Variants in LGSN observed in about 807,000 individuals in gnomAD.
The protein encoded by LGSN is lengsin, lens protein with glutamine synthetase domain.
A neutral mutation model predicts 19.5 loss-of-function variants in LGSN; 21 were observed. The ratio of observed to expected loss-of-function variants is 1.07; its 90% CI spans 0.76 to 1.55. The LOEUF (loss-of-function observed/expected upper bound fraction) is 1.55. Ranked by LOEUF, LGSN falls within the 40% of genes most tolerant of loss-of-function variation. LGSN has a pLI of 0.00. For synonymous variants in LGSN, 257 were observed against 215.6 expected, an observed-to-expected ratio of 1.19 and a Z score of -1.68; for missense variants, 673 against 608.5, an observed-to-expected ratio of 1.11 and a Z score of -1.12.
the LGSN span, among the ~76,000 whole-genome samples, chr6:63,328,022 G>A: frequency 6.6e-6 from 1 of 152,164 alleles, no homozygotes; most frequent in African/African-American, 2.4e-5. Flanking sequence ...CGCAGCATGG[G>A]CATGTAGGAT....
At chr6:63,468,098 A>T in the LGSN span, among the ~76,000 whole-genome samples, 1 of 152,152 alleles carries the variant, frequency 6.6e-6, no homozygotes, top group Non-Finnish European at 1.5e-5. Context: ...AGTCTGTAAC[A>T]ATCAGTGATA....
the LGSN span, among the ~76,000 whole-genome samples, chr6:63,371,015 GACAA>G: frequency 7.9e-5 from 12 of 152,116 alleles, no homozygotes; most frequent in African/African-American, 1.2e-4. Flanking sequence ...AGAAACATAA[GACAA>G]ACAGATTGGT....
At chr6:63,419,546 C>G in the LGSN span, among the ~76,000 whole-genome samples, 1 of 152,028 alleles carries the variant, frequency 6.6e-6, no homozygotes, top group Non-Finnish European at 1.5e-5. Flanking sequence ...TTGAGGCCTC[C>G]TTACCAGGGA....
chr6:63,506,691 A>G, the LGSN span, among the ~76,000 whole-genome samples: 1 of 152,256 alleles, frequency 6.6e-6, no homozygotes, highest in African/African-American at 2.4e-5. Flanking sequence ...GAACGGGCAT[A>G]CATGAAAGTT....
At chr6:63,371,534 T>C in the LGSN span, among the ~76,000 whole-genome samples, 2 of 152,356 alleles carry the variant, frequency 1.3e-5, no homozygotes, top group East Asian at 3.9e-4. Context: ...GTTAGAGCCA[T>C]CTGGTGTTGA....
At chr6:63,528,860 C>T in the LGSN span, among the ~76,000 whole-genome samples, 15 of 151,628 alleles carry the variant, frequency 9.9e-5, no homozygotes, top group Admixed American at 3.3e-4. Flanking sequence ...AGGCCGAGGC[C>T]GGTGGATTAC....
At chr6:63,331,424 G>A in the LGSN span, among the ~76,000 whole-genome samples, 1 of 152,150 alleles carries the variant, frequency 6.6e-6, no homozygotes, top group Non-Finnish European at 1.5e-5. Flanking sequence ...AAAAAAATGA[G>A]CCACCTCTTT....
the LGSN span, among the ~76,000 whole-genome samples, chr6:63,412,291 C>T: frequency 2.0e-5 from 3 of 151,426 alleles, no homozygotes; most frequent in South Asian, 4.2e-4. Context: ...CACTTGAACC[C>T]AGGAGGCGGA....
At chr6:63,561,508 C>CA in the LGSN span, among the ~76,000 whole-genome samples, 1 of 152,130 alleles carries the variant, frequency 6.6e-6, no homozygotes, top group South Asian at 2.1e-4. Context: ...TCTGTGTACC[C>CA]AGTCATCATC....
At chr6:63,435,216 A>C in the LGSN span, among the ~76,000 whole-genome samples, 3 of 152,186 alleles carry the variant, frequency 2.0e-5, no homozygotes, top group African/African-American at 7.2e-5. Flanking sequence ...AAGATTAGAC[A>C]ACAAAATGAG....
the LGSN span, among the ~76,000 whole-genome samples, chr6:63,443,258 G>T: frequency 3.9e-5 from 6 of 152,204 alleles, no homozygotes; most frequent in African/African-American, 1.4e-4. Flanking sequence ...TGCCGAGCCC[G>T]CGCCCACCTG....
the LGSN span, among the ~76,000 whole-genome samples, chr6:63,446,864 A>G: frequency 1.2e-4 from 19 of 152,326 alleles, no homozygotes; most frequent in Admixed American, 1.1e-3. Flanking sequence ...AGCCTGCCCA[A>G]CTTGGAGAAA....
the LGSN span, among the ~76,000 whole-genome samples, chr6:63,505,565 AAAAG>A: frequency 0.083 from 4,862 of 58,400 alleles, 420 homozygotes; most frequent in Middle Eastern, 0.15. Context: ...AAAAAAAAAA[AAAAG>A]AAAGAAAGAA....
chr6:63,332,319 G>T, the LGSN span, among the ~76,000 whole-genome samples: 1 of 152,202 alleles, frequency 6.6e-6, no homozygotes, highest in Non-Finnish European at 1.5e-5. Context: ...CCTCAGAGAA[G>T]AGAGGTGAGA....
At chr6:63,439,463 C>A in the LGSN span, among the ~76,000 whole-genome samples, 1 of 151,884 alleles carries the variant, frequency 6.6e-6, no homozygotes, top group African/African-American at 2.4e-5. Context: ...TGCAGTGATC[C>A]CAGATCGTGC....
chr6:63,313,209 C>T lies in LGSN; in HGVS notation c.30+6705G>A, dbSNP rs186800513. Among the ~76,000 whole-genome samples the T allele has an allele frequency of 3.1e-3, 475 of 151,970 alleles. 1 individual carries two copies. Among genetic ancestry groups the T allele is most frequent in the Non-Finnish European group, 5.0e-3 (341 of 67,950 alleles). On this transcript the variant is annotated intron_variant, in intron 1 of 3. Coordinates refer to ENST00000370657, the MANE Select transcript of LGSN (RefSeq NM_016571.3). ...AATGAGTAAACATAAAAAGGAAGTA[C>T]CAATGGACCATGCTGCTGAAATGAT...
chr6:63,412,298 C>T, the LGSN span, among the ~76,000 whole-genome samples: 15 of 150,898 alleles, frequency 9.9e-5, no homozygotes, highest in African/African-American at 3.7e-4. Flanking sequence ...ACCCAGGAGG[C>T]GGAGGTTGCA....
the LGSN span, among the ~76,000 whole-genome samples, chr6:63,547,839 A>C: frequency 2.0e-5 from 3 of 151,972 alleles, no homozygotes; most frequent in Non-Finnish European, 4.4e-5. Context: ...TGCTACACAG[A>C]CCCCAGATTT....
At chr6:63,302,756 A>G (rs1299730531) in intron 1 of LGSN, among the ~76,000 whole-genome samples, 3 of 152,184 alleles carry the variant, frequency 2.0e-5, no homozygotes, top group African/African-American at 7.2e-5. Flanking sequence ...ATATGAATTC[A>G]TTGTCGAGTG....
Sources: gnomAD v4.1 joint callset for allele counts (sites outside exome capture counted in the v4.1 genomes callset) on GRCh38, gnomAD v4.1.1 for gene constraint, MANE v1.5 for transcripts, NCBI Gene and HGNC (gene_info 2026-07-23, HGNC 2026-07-21) for gene names.